The following HHAT variants were observed in gnomAD, a reference collection of about 807,000 sequenced individuals.
HHAT encodes hedgehog acyltransferase.
Under a neutral mutation model 70.8 loss-of-function variants are expected in HHAT, and 47 were observed. The observed-to-expected ratio is 0.66, with a 90% CI of 0.53 to 0.85. HHAT has a LOEUF of 0.85. Ranked by LOEUF, HHAT falls within the 40% of genes least tolerant of loss-of-function variation. HHAT has a pLI of 0.00. For synonymous variants in HHAT, 228 were observed against 247.6 expected, an observed-to-expected ratio of 0.92 and a Z score of 0.74; for missense variants, 609 against 604.8, an observed-to-expected ratio of 1.01 and a Z score of -0.07.
chr1:210,632,518 A>G (rs1246309281), intron 11 of HHAT, among the ~76,000 whole-genome samples: 2 of 152,158 alleles, frequency 1.3e-5, no homozygotes, highest in African/African-American at 2.4e-5. Context: ...TACTGTACAC[A>G]TGGTTGGCAA....
At chr1:210,651,623 G>A (rs935642220) in intron 11 of HHAT, among the ~76,000 whole-genome samples, 8 of 152,164 alleles carry the variant, frequency 5.3e-5, no homozygotes, top group Non-Finnish European at 7.4e-5. Flanking sequence ...TGAGAGTGTC[G>A]GTAGAAGCTG....
At chr1:210,476,409 G>A (rs911774934) in intron 8 of HHAT, among the ~76,000 whole-genome samples, 1 of 152,202 alleles carries the variant, frequency 6.6e-6, no homozygotes, top group Admixed American at 6.5e-5. Flanking sequence ...AAATTCTCTG[G>A]TTGTCATGCT....
At chr1:210,506,404 A>G (rs1469986677) in intron 8 of HHAT, among the ~76,000 whole-genome samples, 1 of 152,192 alleles carries the variant, frequency 6.6e-6, no homozygotes, top group Non-Finnish European at 1.5e-5. Context: ...CAGTTTTTTT[A>G]TCTCAAGCTG....
intron 2 of HHAT, among the ~76,000 whole-genome samples, chr1:210,351,337 C>G (rs1366571622): frequency 1.3e-5 from 2 of 152,178 alleles, no homozygotes; most frequent in Non-Finnish European, 2.9e-5. Context: ...GTATCTGATT[C>G]AAATGCTTAT....
intron 8 of HHAT, among the ~76,000 whole-genome samples, chr1:210,501,342 C>T (rs139724570): frequency 3.9e-5 from 6 of 152,360 alleles, no homozygotes; most frequent in East Asian, 3.9e-4. Flanking sequence ...ATCTCCTCCC[C>T]GTTCTCCCTT....
chr1:210,506,711 T>G (rs910947080), intron 8 of HHAT, among the ~76,000 whole-genome samples: 47 of 152,336 alleles, frequency 3.1e-4, no homozygotes, highest in African/African-American at 9.9e-4. Context: ...TTACATAAAA[T>G]AATCAGTGTA....
At chr1:210,507,970 C>T (rs1330604726) in intron 8 of HHAT, among the ~76,000 whole-genome samples, 1 of 151,772 alleles carries the variant, frequency 6.6e-6, no homozygotes, top group East Asian at 1.9e-4. Context: ...GAGGCCAAGG[C>T]GAGTTGATCA....
At chr1:210,607,309 ATG>A (rs1285226014) in intron 10 of HHAT, among the ~76,000 whole-genome samples, 3 of 152,022 alleles carry the variant, frequency 2.0e-5, no homozygotes, top group Non-Finnish European at 4.4e-5. Flanking sequence ...TTATCTGTGA[ATG>A]TGTATCCTTT....
chr1:210,349,034 ATTCC>A lies in HHAT; in HGVS notation c.63_66del (p.Phe22MetfsTer29). On this transcript the variant is annotated frameshift_variant, in exon 2 of 12. Coordinates refer to ENST00000261458, the MANE Select transcript of HHAT (RefSeq NM_018194.6). LOFTEE classifies it high-confidence loss of function. Reference sequence around the variant, plus strand: ...CTTGCCTCACTAGGCTTCCACTTCTATTCCTTCTATGAAGTTTACAAAGTCTCCA... The same window carrying A: ...CTTGCCTCACTAGGCTTCCACTTCTATTCTATGAAGTTTACAAAGTCTCCA... 1 of 1,614,074 alleles carries A rather than the reference ATTCC, an allele frequency of 6.2e-7. No homozygotes were observed. The highest frequency in any genetic ancestry group is 8.5e-7 in the Non-Finnish European group (1 of 1,179,984).
chr1:210,515,097 C>T (rs1038895955), intron 9 of HHAT, among the ~76,000 whole-genome samples: 2 of 152,192 alleles, frequency 1.3e-5, no homozygotes, highest in African/African-American at 4.8e-5. Flanking sequence ...GCAAGCAGAA[C>T]TGGGAGGGTA....
At chr1:210,498,194 T>C (rs1024749019) in intron 8 of HHAT, among the ~76,000 whole-genome samples, 1 of 152,216 alleles carries the variant, frequency 6.6e-6, no homozygotes, top group Non-Finnish European at 1.5e-5. Context: ...TTTATTCTCT[T>C]GCATGGATTT....
chr1:210,539,666 A>G (rs371804137), intron 9 of HHAT, among the ~76,000 whole-genome samples: 6 of 152,276 alleles, frequency 3.9e-5, no homozygotes, highest in South Asian at 2.1e-4. Context: ...CAGTCTGGCA[A>G]TGTGTAAACT....
intron 11 of HHAT, among the ~76,000 whole-genome samples, chr1:210,649,052 A>G (rs1207947105): frequency 1.3e-5 from 2 of 152,232 alleles, no homozygotes; most frequent in African/African-American, 4.8e-5. Flanking sequence ...ATATGAAAAT[A>G]GCTTCCTTGG....
intron 11 of HHAT, among the ~76,000 whole-genome samples, chr1:210,664,652 G>C (rs1367226698): frequency 6.6e-6 from 1 of 152,190 alleles, no homozygotes; most frequent in Admixed American, 6.5e-5. Flanking sequence ...CTGATATTCA[G>C]GATATCTAAC....
intron 11 of HHAT, among the ~76,000 whole-genome samples, chr1:210,652,214 A>G (rs1470978888): frequency 6.6e-6 from 1 of 152,140 alleles, no homozygotes; most frequent in East Asian, 1.9e-4. Flanking sequence ...AGATAGGAAT[A>G]AAGGAAGGAA....
chr1:210,661,585 T>G (rs1677727649), intron 11 of HHAT, among the ~76,000 whole-genome samples: 3 of 152,210 alleles, frequency 2.0e-5, no homozygotes, highest in African/African-American at 7.2e-5. Flanking sequence ...CATGCTGCTA[T>G]AAAGACACAT....
chr1:210,470,134 T>A (rs1431568009), intron 8 of HHAT, among the ~76,000 whole-genome samples: 1 of 152,170 alleles, frequency 6.6e-6, no homozygotes, highest in Non-Finnish European at 1.5e-5. Flanking sequence ...CATGAGACAC[T>A]GTGCCCAGAC....
At chr1:210,561,408 G>A (rs1280168497) in intron 9 of HHAT, among the ~76,000 whole-genome samples, 2 of 152,204 alleles carry the variant, frequency 1.3e-5, no homozygotes, top group Non-Finnish European at 2.9e-5. Context: ...GAGTTAGCAC[G>A]GCATGGTGAC....
intron 2 of HHAT, among the ~76,000 whole-genome samples, chr1:210,351,978 A>G (rs912508253): frequency 3.3e-5 from 5 of 152,222 alleles, no homozygotes; most frequent in African/African-American, 1.2e-4. Context: ...TCTCTCTTCT[A>G]TAATGGGTGT....
Sources: allele counts gnomAD v4.1 joint callset (sites outside exome capture counted in the v4.1 genomes callset), GRCh38; gene constraint gnomAD v4.1.1; transcripts MANE v1.5; gene names NCBI Gene and HGNC (gene_info 2026-07-23, HGNC 2026-07-21).